The following SLC35D4 variants were observed in gnomAD, a reference collection of about 807,000 sequenced individuals.
SLC35D4 encodes the protein solute carrier family 35 member D4.
the SLC35D4 span, among the ~76,000 whole-genome samples, chr18:23,386,124 CA>C: frequency 7.9e-3 from 325 of 41,148 alleles, no homozygotes; most frequent in African/African-American, 0.016. Context: ...GACTCTGTCT[CA>C]AAAAAAAAAA....
At chr18:23,420,239 G>C in the SLC35D4 span, among the ~76,000 whole-genome samples, 2 of 152,132 alleles carry the variant, frequency 1.3e-5, no homozygotes, top group Non-Finnish European at 2.9e-5. Flanking sequence ...GGAGGCAGAA[G>C]TTGCAGTGAC....
At chr18:23,255,295 A>G in the SLC35D4 span, among the ~76,000 whole-genome samples, 1 of 149,990 alleles carries the variant, frequency 6.7e-6, no homozygotes, top group Non-Finnish European at 1.5e-5. Flanking sequence ...ACAGAAAATA[A>G]AAGACATGGT....
At chr18:23,335,626 C>T in the SLC35D4 span, among the ~76,000 whole-genome samples, 3 of 152,242 alleles carry the variant, frequency 2.0e-5, no homozygotes, top group Non-Finnish European at 4.4e-5. Flanking sequence ...AGTTACTTTA[C>T]GAGATATATG....
chr18:23,242,237 T>A, the SLC35D4 span, among the ~76,000 whole-genome samples: 1 of 152,086 alleles, frequency 6.6e-6, no homozygotes, highest in African/African-American at 2.4e-5. Flanking sequence ...GAGATCACAC[T>A]ATTGCACTCC....
At chr18:23,418,139 A>G in the SLC35D4 span, among the ~76,000 whole-genome samples, 2 of 152,192 alleles carry the variant, frequency 1.3e-5, no homozygotes, top group Non-Finnish European at 2.9e-5. Context: ...AATTAAGGAT[A>G]CTATATCATG....
chr18:23,393,784 AT>A, the SLC35D4 span, among the ~76,000 whole-genome samples: 1 of 151,982 alleles, frequency 6.6e-6, no homozygotes, highest in African/African-American at 2.4e-5. Flanking sequence ...TGCCCAGATA[AT>A]TTTTTGTATT....
At chr18:23,349,134 G>A in the SLC35D4 span, among the ~76,000 whole-genome samples, 2 of 152,226 alleles carry the variant, frequency 1.3e-5, no homozygotes, top group African/African-American at 2.4e-5. Flanking sequence ...ATTATAATGT[G>A]TCTAGATCTC....
chr18:23,334,096 C>A, the SLC35D4 span, among the ~76,000 whole-genome samples: 1 of 152,060 alleles, frequency 6.6e-6, no homozygotes, highest in East Asian at 1.9e-4. Context: ...CTTTACTTTT[C>A]TTCTCCTGAA....
At chr18:23,363,364 ATTTTTTTTTTTTTTTT>A in the SLC35D4 span, among the ~76,000 whole-genome samples, 110 of 90,470 alleles carry the variant, frequency 1.2e-3, 1 homozygote, top group East Asian at 0.031. Flanking sequence ...ACAAAAGCAC[ATTTTTTTTTTTTTTTT>A]TTTTTTTTTT....
chr18:23,254,450 A>G, the SLC35D4 span, among the ~76,000 whole-genome samples: 6 of 152,228 alleles, frequency 3.9e-5, no homozygotes, highest in African/African-American at 7.2e-5. Flanking sequence ...TTAGAATTCA[A>G]TATATTAATA....
At chr18:23,334,010 T>C in the SLC35D4 span, among the ~76,000 whole-genome samples, 8 of 152,200 alleles carry the variant, frequency 5.3e-5, no homozygotes, top group African/African-American at 1.9e-4. Context: ...CCTGCCTTCC[T>C]TGGGCTCACA....
the SLC35D4 span, among the ~76,000 whole-genome samples, chr18:23,246,588 T>A: frequency 6.6e-6 from 1 of 151,834 alleles, no homozygotes; most frequent in Non-Finnish European, 1.5e-5. Context: ...AGATGGGGTT[T>A]CACCGTGTTA....
the SLC35D4 span, among the ~76,000 whole-genome samples, chr18:23,371,942 T>TTGTTTTTTTTG: frequency 6.0e-3 from 184 of 30,750 alleles, 10 homozygotes; most frequent in African/African-American, 0.011. Context: ...TTTGTTTTTT[T>TTGTTTTTTTTG]TTTTTTTTTT....
the SLC35D4 span, among the ~76,000 whole-genome samples, chr18:23,265,620 G>A: frequency 6.6e-6 from 1 of 150,612 alleles, no homozygotes; most frequent in Non-Finnish European, 1.5e-5. Context: ...CCTTGAAGCA[G>A]CCCAATGGGC....
the SLC35D4 span, among the ~76,000 whole-genome samples, chr18:23,437,596 C>T: frequency 6.6e-6 from 1 of 152,272 alleles, no homozygotes; most frequent in East Asian, 1.9e-4. Flanking sequence ...GAAACGGGGA[C>T]AGTACAGGCT....
chr18:23,352,392 C>T, the SLC35D4 span: 20 of 817,654 alleles, frequency 2.4e-5, no homozygotes, highest in Admixed American at 9.8e-5. Context: ...AATTATTATG[C>T]AACCTCTACC....
chr18:23,357,666 A>G, the SLC35D4 span, among the ~76,000 whole-genome samples: 2 of 152,210 alleles, frequency 1.3e-5, no homozygotes, highest in African/African-American at 4.8e-5. Flanking sequence ...TACGCTATTA[A>G]TCAAGGGTTT....
chr18:23,268,803 CGT>C, the SLC35D4 span, among the ~76,000 whole-genome samples: 16,960 of 149,072 alleles, frequency 0.11, 1,731 homozygotes, highest in African/African-American at 0.28. Context: ...TGTGTGTGTG[CGT>C]GTGTGTGTGT....
chr18:23,309,463 T>C, the SLC35D4 span, among the ~76,000 whole-genome samples: 2 of 152,130 alleles, frequency 1.3e-5, 1 homozygote, highest in South Asian at 4.1e-4. Context: ...CATCAAGTAG[T>C]ATATTTATGA....
Sources: allele counts gnomAD v4.1 joint callset (sites outside exome capture counted in the v4.1 genomes callset), GRCh38; gene constraint gnomAD v4.1.1; transcripts MANE v1.5; gene names NCBI Gene and HGNC (gene_info 2026-07-23, HGNC 2026-07-21).